KIF7: variants seen among roughly 807,000 people sequenced by gnomAD.
KIF7 encodes the protein kinesin family member 7, also known as kinesin-like protein KIF7.
A neutral mutation model predicts 135.7 loss-of-function variants in KIF7; 104 were observed. That is an observed-to-expected ratio of 0.77 (90% confidence interval 0.65 to 0.90). The LOEUF (loss-of-function observed/expected upper bound fraction) is 0.90. Ranked by LOEUF, KIF7 falls within the 40% of genes least tolerant of loss-of-function variation. The pLI is 0.00. For missense variants in KIF7, 2,005 were observed against 1,839.1 expected, an observed-to-expected ratio of 1.09 and a Z score of -1.65; for synonymous variants, 883 against 809.4, an observed-to-expected ratio of 1.09 and a Z score of -1.54.
At chr15:89,641,041 A>G (rs1234330162) in intron 11 of KIF7, among the ~76,000 whole-genome samples, 1 of 152,092 alleles carries the variant, frequency 6.6e-6, no homozygotes, top group African/African-American at 2.4e-5. Flanking sequence ...GGAGACCGTG[A>G]TGGGCTGAAT....
At chr15:89,626,855 TAA>T (rs1298328723), downstream of KIF7, 6 of 1,340,678 alleles carry the variant, frequency 4.5e-6, no homozygotes, top group South Asian at 4.1e-5. Flanking sequence ...CTGATTTTCT[TAA>T]AGTCTGTTTT....
At chr15:89,620,099 T>C (rs1382777809) in intron 1 of KIF7, among the ~76,000 whole-genome samples, 1 of 152,198 alleles carries the variant, frequency 6.6e-6, no homozygotes, top group Non-Finnish European at 1.5e-5. Flanking sequence ...CTACCCATAA[T>C]TTCCCATAAG....
chr15:89,662,178 C>T, the KIF7 span, among the ~76,000 whole-genome samples: 1 of 152,058 alleles, frequency 6.6e-6, no homozygotes, highest in African/African-American at 2.4e-5. Flanking sequence ...CCCGGAAGTC[C>T]CTTGGATATT....
intron 11 of KIF7, among the ~76,000 whole-genome samples, chr15:89,641,241 C>T (rs1386669559): frequency 2.6e-5 from 4 of 151,866 alleles, no homozygotes; most frequent in Admixed American, 1.3e-4. Context: ...GGGGAAAGGC[C>T]GTGTCAAGAC....
At position 89,649,032 on chromosome 15, in the gene KIF7, G is replaced by A. The variant is rs769602777; in HGVS notation, c.865C>T (p.Leu289=). The change falls in exon 4 of 19, where the codon CTG becomes TTG. Residue 289 remains leucine (L), a synonymous_variant. Transcript: ENST00000394412. ...LLALGNVISA[L]GDPQRRGSHI... is the part of the protein sequence containing the mutation. ...CTGCCCCGGCGCTGAGGGTCCCCCAGGGCGCTGATGACGTTGCCCAGCGCC... is the reference window on the plus strand; with the variant it reads ...CTGCCCCGGCGCTGAGGGTCCCCCAAGGCGCTGATGACGTTGCCCAGCGCC... 2.6e-6 allele frequency: 4 copies of A among 1,548,400 alleles called. No homozygotes were observed. The highest frequency in any genetic ancestry group is 2.4e-5 in the East Asian group (1 of 40,894).
intron 10 of KIF7, among the ~76,000 whole-genome samples, chr15:89,644,549 G>C (rs1350078074): frequency 2.0e-5 from 3 of 151,866 alleles, no homozygotes; most frequent in African/African-American, 7.3e-5. Flanking sequence ...GGTGGGTGTG[G>C]TGGCGGGCGC....
At chr15:89,633,104 C>T in intron 13 of KIF7, 37 bp downstream of exon 13, 1 of 1,601,242 alleles carries the variant, frequency 6.2e-7, no homozygotes, top group Non-Finnish European at 8.5e-7. Context: ...AGCCAGCCCC[C>T]AGGGGAGCCC....
At chr15:89,631,201 C>A (rs55892115) in intron 15 of KIF7, 45 of 427,982 alleles carry the variant, frequency 1.1e-4, no homozygotes, top group African/African-American at 2.6e-4. Context: ...CACACGAAGC[C>A]GAGACGTGTG....
In KIF7 at chr15:89,649,165, G is replaced by A. The variant is rs549780424; in HGVS notation, c.732C>T (p.Leu244=). 2.3e-5 allele frequency: 35 copies of A among 1,548,076 alleles called. No individual in the cohort carries two copies. The highest frequency in any genetic ancestry group is 1.9e-4 in the South Asian group (16 of 84,050). The part of the protein sequence containing the change: ...RLPRPAPGQL[L]VSKFHFVDLA... ...GGTCCACGAAGTGGAACTTGGAGACGAGCAGCTGGCCCGGGGCGGGGCGGG... is the reference window on the plus strand; with the variant it reads ...GGTCCACGAAGTGGAACTTGGAGACAAGCAGCTGGCCCGGGGCGGGGCGGG... Residue 244 remains leucine (L), a synonymous_variant, in exon 4 of 19, where the codon CTC becomes CTT. Transcript: ENST00000394412.
exon 2 of KIF7, chr15:89,618,052 G>A: frequency 8.3e-7 from 1 of 1,211,510 alleles, no homozygotes; most frequent in Non-Finnish European, 1.2e-6. Flanking sequence ...ATCAGACCCT[G>A]TGATCTTTGT....
At position 89,628,522 on chromosome 15, in the gene KIF7, C is replaced by A. The variant is rs1963585506; in HGVS notation, c.3929G>T (p.Gly1310Val). Residue 1310 changes from glycine (G) to valine (V), a missense_variant, in exon 19 of 19, where the codon GGT (glycine) becomes GTT (valine). Physicochemically the swap from Gly to Val is moderately radical, Grantham distance 109. Transcript: ENST00000394412. The stretch of plus-strand genomic sequence containing the variant: ...AAAGTTCCAGGGCAGGCCTGCCTCA[C>A]CCACAGGAAGCACCCGCCCCACCAG... ...EPLVGRVLPV[G>V]EAGLPWNFGP... The A allele has an allele frequency of 1.2e-6, 2 of 1,613,052 alleles. No homozygotes were observed. Among genetic ancestry groups the A allele is most frequent in the Admixed American group, 3.3e-5 (2 of 59,998 alleles).
chr15:89,657,464 A>C (rs1964220020), upstream of KIF7, among the ~76,000 whole-genome samples: 1 of 152,202 alleles, frequency 6.6e-6, no homozygotes, highest in African/African-American at 2.4e-5. Flanking sequence ...GATTTTAGAA[A>C]GATTTATCTT....
At chr15:89,643,116 G>A (rs1963952337) in intron 10 of KIF7, among the ~76,000 whole-genome samples, 1 of 152,204 alleles carries the variant, frequency 6.6e-6, no homozygotes, top group African/African-American at 2.4e-5. Flanking sequence ...ATGACTGAGA[G>A]AAGGGAGATG....
rs374111371 is a variant in KIF7 at position 89,633,822 on chromosome 15, T to G, written c.2456A>C (p.Lys819Thr). Reference sequence around the variant, plus strand: ...GTTCCGCTCGAGCTCCTGCAGTCGCTTCTCACTCTGGGCCGACAGTGACAC... The same window carrying G: ...GTTCCGCTCGAGCTCCTGCAGTCGCGTCTCACTCTGGGCCGACAGTGACAC... ...RLVSLSAQSE[K>T]RLQELERNVQ... Residue 819 changes from lysine to threonine, a missense_variant, in exon 12 of 19, where the codon AAG becomes ACG. Lys to Thr is a moderately conservative substitution (Grantham distance 78). Transcript: ENST00000394412. The G allele has an allele frequency of 3.7e-6, 6 of 1,613,208 alleles. No individual in the cohort carries two copies. The highest frequency in any genetic ancestry group is 5.1e-6 in the Non-Finnish European group (6 of 1,180,016).
At chr15:89,637,302 T>C (rs1248663207) in intron 11 of KIF7, among the ~76,000 whole-genome samples, 1 of 141,286 alleles carries the variant, frequency 7.1e-6, no homozygotes. Context: ...ATTCAAAAGC[T>C]AGCAGAAGGC....
At chr15:89,633,982 G>C in intron 11 of KIF7, 99 bp from the exon 12 acceptor site, 3 of 1,251,880 alleles carry the variant, frequency 2.4e-6, no homozygotes, top group Non-Finnish European at 3.5e-6. Context: ...GAGGGCAAAT[G>C]GGTAGGTGGG....
At chr15:89,660,117 C>T (rs928410840), upstream of KIF7, among the ~76,000 whole-genome samples, 4 of 152,118 alleles carry the variant, frequency 2.6e-5, no homozygotes, top group Admixed American at 1.3e-4. Context: ...AAAATCGCTT[C>T]AACCTGGGAG....
At chr15:89,647,087 G>A (rs1235864073) in intron 6 of KIF7, 30 bp from the exon 7 acceptor site, 13 of 1,537,182 alleles carry the variant, frequency 8.5e-6, no homozygotes, top group African/African-American at 2.7e-5. Flanking sequence ...TGCCAAGGGG[G>A]CATGAATGCC....
At position 89,649,252 on chromosome 15, in the gene KIF7, G is replaced by T. The variant is rs189804625; in HGVS notation, c.645C>A (p.Ser215Arg). The change falls in exon 4 of 19, where the codon AGC (serine) becomes AGA (arginine). Residue 215 changes from serine (S) to arginine (R), a missense_variant. Physicochemically the swap from Ser to Arg is moderately radical, Grantham distance 110 (BLOSUM62 -1). Transcript: ENST00000394412. ...TGATHLNHLSSRSHTVFTVTL... is the reference protein window; with the variant it reads ...TGATHLNHLSRRSHTVFTVTL... ...TCACGGTGAAGACCGTGTGTGAGCG[G>T]CTAGACAGGTGGTTGAGGTGCGTGG... 2 of 1,534,226 alleles carry T rather than the reference G, an allele frequency of 1.3e-6. No individual in the cohort carries two copies. The highest frequency in any genetic ancestry group is 1.8e-6 in the Non-Finnish European group (2 of 1,136,266).
Sources: allele counts gnomAD v4.1 joint callset (sites outside exome capture counted in the v4.1 genomes callset), GRCh38; gene constraint gnomAD v4.1.1; transcripts MANE v1.5; gene names NCBI Gene and HGNC (gene_info 2026-07-23, HGNC 2026-07-21).